LINGO2: variants seen among roughly 807,000 people sequenced by gnomAD.
LINGO2 encodes the protein leucine rich repeat and Ig domain containing 2.
LINGO2 carries 14 observed loss-of-function variants against 30.6 expected under a neutral mutation model. That is an observed-to-expected ratio of 0.46 (90% CI 0.30 to 0.72). The LOEUF (loss-of-function observed/expected upper bound fraction) is 0.72. Among genes scored for constraint, LINGO2 ranks in the 30% least tolerant of loss-of-function variants. LINGO2 has a pLI of 0.07. For missense variants in LINGO2, 729 were observed against 751.7 expected, an observed-to-expected ratio of 0.97 and a Z score of 0.35; for synonymous variants, 317 against 288.5, an observed-to-expected ratio of 1.10 and a Z score of -1.00.
the LINGO2 span, among the ~76,000 whole-genome samples, chr9:29,039,651 G>A: frequency 6.6e-6 from 1 of 152,096 alleles, no homozygotes; most frequent in Admixed American, 6.6e-5. Context: ...TGGCTACCCC[G>A]ACCTTTCTAA....
At chr9:28,178,606 C>T (rs574233421) in intron 4 of LINGO2, among the ~76,000 whole-genome samples, 15 of 152,228 alleles carry the variant, frequency 9.9e-5, no homozygotes, top group East Asian at 5.8e-4. Context: ...TCAATGTTCA[C>T]GGAACATTTT....
the LINGO2 span, among the ~76,000 whole-genome samples, chr9:28,892,331 A>C: frequency 6.1e-4 from 93 of 152,128 alleles, 1 homozygote; most frequent in South Asian, 0.016. Flanking sequence ...ATGTGTGAAG[A>C]GATCATGATA....
chr9:28,949,058 A>G, the LINGO2 span, among the ~76,000 whole-genome samples: 2 of 152,092 alleles, frequency 1.3e-5, no homozygotes, highest in African/African-American at 2.4e-5. Context: ...GAAGCCAAGT[A>G]AGAAATTCGT....
At chr9:28,457,099 A>G (rs1244924147) in intron 2 of LINGO2, among the ~76,000 whole-genome samples, 1 of 152,124 alleles carries the variant, frequency 6.6e-6, no homozygotes, top group Non-Finnish European at 1.5e-5. Context: ...TAATTCCAGA[A>G]GCAAGACAGT....
At chr9:28,036,163 G>T (rs1823924986) in intron 4 of LINGO2, among the ~76,000 whole-genome samples, 1 of 152,168 alleles carries the variant, frequency 6.6e-6, no homozygotes, top group African/African-American at 2.4e-5. Flanking sequence ...ACATATTAAG[G>T]ACTGTTTTGT....
At chr9:27,981,647 G>A (rs557015957) in intron 5 of LINGO2, among the ~76,000 whole-genome samples, 4 of 150,596 alleles carry the variant, frequency 2.7e-5, no homozygotes, top group African/African-American at 7.3e-5. Context: ...CCTAAGGACT[G>A]CTGTTGTTCC....
chr9:28,742,420 C>G, the LINGO2 span, among the ~76,000 whole-genome samples: 1 of 151,516 alleles, frequency 6.6e-6, no homozygotes, highest in South Asian at 2.1e-4. Flanking sequence ...GTTCTGCCAT[C>G]TTAGTTATGT....
chr9:28,606,459 T>A (rs901009626), intron 1 of LINGO2, among the ~76,000 whole-genome samples: 1 of 152,050 alleles, frequency 6.6e-6, no homozygotes, highest in Non-Finnish European at 1.5e-5. Flanking sequence ...ATAGATATAA[T>A]ACCACTATTC....
At chr9:28,013,837 T>C (rs919252638) in intron 4 of LINGO2, among the ~76,000 whole-genome samples, 1 of 152,096 alleles carries the variant, frequency 6.6e-6, no homozygotes, top group Non-Finnish European at 1.5e-5. Context: ...AATTGGAAGA[T>C]GATAGGGTTT....
At chr9:28,981,110 T>C in the LINGO2 span, among the ~76,000 whole-genome samples, 1 of 152,138 alleles carries the variant, frequency 6.6e-6, no homozygotes, top group Non-Finnish European at 1.5e-5. Flanking sequence ...AAAGGAGATA[T>C]TATTTTGAGA....
At chr9:29,124,474 C>A in the LINGO2 span, among the ~76,000 whole-genome samples, 7 of 152,178 alleles carry the variant, frequency 4.6e-5, no homozygotes, top group East Asian at 9.7e-4. Flanking sequence ...AGTGAACAGG[C>A]AACCTACAGA....
intron 3 of LINGO2, among the ~76,000 whole-genome samples, chr9:28,349,430 G>A (rs1175675667): frequency 1.7e-5 from 2 of 118,346 alleles, no homozygotes; most frequent in Non-Finnish European, 3.4e-5. Context: ...GAAATGAAGC[G>A]AGAAGGGAAG....
chr9:28,515,987 A>G (rs910163651), intron 1 of LINGO2, among the ~76,000 whole-genome samples: 1 of 152,200 alleles, frequency 6.6e-6, no homozygotes, highest in African/African-American at 2.4e-5. Context: ...GTCAGCGGCC[A>G]TCAACATCAA....
intron 1 of LINGO2, among the ~76,000 whole-genome samples, chr9:28,507,429 T>C (rs995376837): frequency 1.3e-5 from 2 of 152,096 alleles, no homozygotes; most frequent in Admixed American, 6.6e-5. Flanking sequence ...CAGTGGTTTC[T>C]CTCTTGAACT....
the LINGO2 span, among the ~76,000 whole-genome samples, chr9:28,780,830 ATGTGTGTGTGTGTGTGTG>A: frequency 8.6e-5 from 11 of 127,420 alleles, no homozygotes; most frequent in Non-Finnish European, 1.2e-4. Context: ...CTTGGTAGTA[ATGTGTGTGTGTGTGTGTG>A]TGTGTGTGTG....
chr9:28,641,328 G>C (rs13285176), intron 1 of LINGO2, among the ~76,000 whole-genome samples: 14,301 of 151,996 alleles, frequency 0.094, 885 homozygotes, highest in East Asian at 0.2. Flanking sequence ...GAGCCACCGC[G>C]CCCGGCCTCA....
chr9:28,987,490 C>T, the LINGO2 span, among the ~76,000 whole-genome samples: 1 of 151,850 alleles, frequency 6.6e-6, no homozygotes, highest in Non-Finnish European at 1.5e-5. Flanking sequence ...TAAAAACCAA[C>T]TCTTAGTTTA....
intron 3 of LINGO2, among the ~76,000 whole-genome samples, chr9:28,359,604 A>T (rs1289833760): frequency 2.0e-5 from 3 of 152,186 alleles, no homozygotes; most frequent in Non-Finnish European, 4.4e-5. Context: ...ATGCAAATAT[A>T]TTTATGAAGC....
chr9:28,616,050 T>C (rs1290318007), intron 1 of LINGO2, among the ~76,000 whole-genome samples: 1 of 152,122 alleles, frequency 6.6e-6, no homozygotes, highest in Admixed American at 6.6e-5. Flanking sequence ...AGGCTAGTAA[T>C]GTTCCATTGA....
Sources: gnomAD v4.1 joint callset for allele counts (sites outside exome capture counted in the v4.1 genomes callset) on GRCh38, gnomAD v4.1.1 for gene constraint, MANE v1.5 for transcripts, NCBI Gene and HGNC (gene_info 2026-07-23, HGNC 2026-07-21) for gene names.